EPS15L1: variants seen among roughly 807,000 people sequenced by gnomAD.
EPS15L1 encodes the protein epidermal growth factor receptor substrate 15-like 1.
A neutral mutation model predicts 117.1 loss-of-function variants in EPS15L1; 43 were observed. The ratio of observed to expected loss-of-function variants is 0.37; its 90% CI spans 0.29 to 0.47. The LOEUF is 0.47. EPS15L1 is among the 20% of genes least tolerant of loss of function. EPS15L1 has a pLI of 0.99. For synonymous variants in EPS15L1, 459 were observed against 470.5 expected, an observed-to-expected ratio of 0.98 and a Z score of 0.32; for missense variants, 981 against 1,164.0, an observed-to-expected ratio of 0.84 and a Z score of 2.29.
intron 13 of EPS15L1, among the ~76,000 whole-genome samples, chr19:16,411,915 T>C (rs988152290): frequency 3.9e-5 from 6 of 152,016 alleles, no homozygotes; most frequent in African/African-American, 1.5e-4. Flanking sequence ...CCCAGGCTGG[T>C]CTCAAACTCC....
In EPS15L1 at chr19:16,447,482, A is replaced by G. The variant is rs143838791; in HGVS notation, c.34-5263T>C. Among the ~76,000 whole-genome samples, 615 of 152,344 alleles carry G rather than the reference A, an allele frequency of 4.0e-3. 1 individual carries two copies. The highest frequency in any genetic ancestry group is 0.014 in the African/African-American group (574 of 41,586). On this transcript the variant is annotated intron_variant, in intron 1 of 23. Coordinates refer to ENST00000455140, the MANE Select transcript of EPS15L1 (RefSeq NM_001258374.3). ...CTAGTAATTTAAGTATTACAGGGCC[A>G]GGCACTCTGGCTCACACCTGTAATC...
At chr19:16,392,241 G>A (rs1412580732) in intron 19 of EPS15L1, 63 bp downstream of exon 19, 1 of 1,596,796 alleles carries the variant, frequency 6.3e-7, no homozygotes, top group East Asian at 2.2e-5. Flanking sequence ...CCTTCGGGAA[G>A]CGCCACCCTT....
At chr19:16,362,377 T>TAA (rs369551491) in intron 22 of EPS15L1, among the ~76,000 whole-genome samples, 4,146 of 137,210 alleles carry the variant, frequency 0.03, 202 homozygotes, top group African/African-American at 0.1. Flanking sequence ...CTTCTAACAG[T>TAA]AAAAAAAAAA....
intron 13 of EPS15L1, among the ~76,000 whole-genome samples, chr19:16,411,735 T>G (rs1485896075): frequency 6.6e-6 from 1 of 152,220 alleles, no homozygotes; most frequent in African/African-American, 2.4e-5. Flanking sequence ...GGTCTCACTC[T>G]GTTGCCCAGG....
chr19:16,377,863 T>C (rs576921836), intron 21 of EPS15L1, among the ~76,000 whole-genome samples: 17 of 152,250 alleles, frequency 1.1e-4, no homozygotes, highest in African/African-American at 4.1e-4. Flanking sequence ...CCACGCCACC[T>C]CCACTGGGCT....
At chr19:16,409,694 T>C (rs1385045191) in intron 13 of EPS15L1, among the ~76,000 whole-genome samples, 4 of 152,076 alleles carry the variant, frequency 2.6e-5, no homozygotes, top group African/African-American at 9.7e-5. Flanking sequence ...TCCCAGCACT[T>C]TGGGAGGCCA....
chr19:16,357,457 T>G (rs191566064), intron 23 of EPS15L1: 2 of 152,392 alleles, frequency 1.3e-5, no homozygotes, highest in African/African-American at 4.8e-5. Flanking sequence ...GATTTCCCCG[T>G]GGAGGCTCCT....
intron 8 of EPS15L1, 62 bp from the exon 9 acceptor site, chr19:16,425,378 A>G: frequency 8.3e-7 from 1 of 1,208,668 alleles, no homozygotes; most frequent in East Asian, 2.5e-5. Flanking sequence ...CATCAGGAGA[A>G]GGCAGAGGGC....
chr19:16,376,671 T>C lies in EPS15L1; in HGVS notation c.2380+451A>G, dbSNP rs146462390. Among the ~76,000 whole-genome samples the C allele has an allele frequency of 1.5e-3, 233 of 152,342 alleles. 5 individuals are homozygous for C. The East Asian group carries it at 0.041, about 27-fold the overall frequency. On this transcript the variant is annotated intron_variant, in intron 22 of 23. Coordinates refer to ENST00000455140, the MANE Select transcript of EPS15L1 (RefSeq NM_001258374.3). ...AGGGACTGGACCAAGCAGCGACTCC[T>C]GCCACCCTCACCCCCAACAGGCCCT...
chr19:16,356,948 A>G (rs875622), intron 23 of EPS15L1: 104,890 of 151,956 alleles, frequency 0.69, 37,262 homozygotes, highest in South Asian at 0.84. Flanking sequence ...TCTGCGATGC[A>G]CTGCCTCTGA....
At chr19:16,388,329 T>A (rs1394426099) in intron 19 of EPS15L1, among the ~76,000 whole-genome samples, 1 of 152,140 alleles carries the variant, frequency 6.6e-6, no homozygotes, top group Non-Finnish European at 1.5e-5. Flanking sequence ...AATGAGCCAC[T>A]GAACCGGCAA....
At position 16,402,278 on chromosome 19, in the gene EPS15L1, G is replaced by A. The variant is rs763762414; in HGVS notation, c.1791+43C>T. The A allele has an allele frequency of 3.0e-5, 47 of 1,546,132 alleles. No individual in the cohort carries two copies. In the Admixed American group the frequency reaches 8.7e-4, roughly 29 times the overall value. ...GTGGGATGTTCTGCTGTCACACCAG[G>A]GGACCAGAGCCCCATACTGTAATAC... On this transcript the variant is annotated intron_variant, in intron 16 of 23. Transcript: ENST00000455140.
At chr19:16,437,724 C>CAT in intron 5 of EPS15L1, 46 bp downstream of exon 5, 1 of 1,347,466 alleles carries the variant, frequency 7.4e-7, no homozygotes, top group South Asian at 1.2e-5. Context: ...CACACACACA[C>CAT]ATCTGGTATT....
chr19:16,379,925 A>AAAG (rs1361268419), intron 21 of EPS15L1, among the ~76,000 whole-genome samples: 8 of 151,720 alleles, frequency 5.3e-5, no homozygotes, highest in Non-Finnish European at 1.2e-4. Context: ...TCACACAGAC[A>AAAG]CGGCCATCTA....
chr19:16,385,138 C>A lies in EPS15L1; in HGVS notation c.2238G>T (p.Gln746His), dbSNP rs758224468. 6.2e-7 allele frequency: 1 copy of A among 1,614,090 alleles called. No individual in the cohort carries two copies. Among genetic ancestry groups the A allele is most frequent in the Admixed American group, 1.7e-5 (1 of 60,026 alleles). Residue 746 changes from glutamine (Q) to histidine (H), a missense_variant, in exon 21 of 24, where the codon CAG (glutamine) becomes CAT (histidine). Gln to His is a conservative substitution (Grantham distance 24, BLOSUM62 0). Around this residue, in one of 5 missense-constraint regions of EPS15L1, gnomAD observed 819 missense variants for 949.0 expected, o/e 0.86. Transcript: ENST00000455140. ...NSAEGFADFSQMSKPPPSGPF... is the reference protein window; with the variant it reads ...NSAEGFADFSHMSKPPPSGPF... ...CGTGGAGGGGCTTTACCTTGGACAT[C>A]TGGCTGAAGTCGGCAAAGCCTTCAG...
At chr19:16,467,090 T>G (rs781743683) in intron 1 of EPS15L1, among the ~76,000 whole-genome samples, 2 of 150,862 alleles carry the variant, frequency 1.3e-5, no homozygotes, top group African/African-American at 2.4e-5. Flanking sequence ...AACAAACATC[T>G]AAGGACCTAA....
At chr19:16,440,544 A>G (rs1022188547) in intron 4 of EPS15L1, 3 of 187,758 alleles carry the variant, frequency 1.6e-5, no homozygotes, top group Non-Finnish European at 2.2e-5. Context: ...GGAACCCTCC[A>G]AGCTATTTGT....
At chr19:16,363,620 C>G (rs1164700452) in intron 22 of EPS15L1, among the ~76,000 whole-genome samples, 1 of 152,230 alleles carries the variant, frequency 6.6e-6, no homozygotes, top group African/African-American at 2.4e-5. Flanking sequence ...GGGAAAGTGC[C>G]TCCTCCCAGC....
At position 16,377,122 on chromosome 19, in the gene EPS15L1, C is replaced by T. The variant is rs1351393455; in HGVS notation, c.2380G>A (p.Gly794Ser). Residue 794 changes from glycine to serine, a missense_variant and splice_region_variant, in exon 22 of 24, where the codon GGT (glycine) becomes AGT (serine). Around this residue, in one of 5 missense-constraint regions of EPS15L1, gnomAD observed 819 missense variants for 949.0 expected, o/e 0.86. Transcript: ENST00000455140. ...CTGCGAGAGAAGAAAGCTTACTGAC[C>T]GCTGGGCGGTTTAGGCCGTGGAGGA... Reference protein sequence around the residue: ...PAPPRPKPPSGKSTPVSQLGS... With the variant: ...PAPPRPKPPSSKSTPVSQLGS... 1.9e-6 allele frequency: 3 copies of T among 1,598,028 alleles called. No individual in the cohort carries two copies. Among genetic ancestry groups the T allele is most frequent in the Non-Finnish European group, 8.5e-7 (1 of 1,174,238 alleles).
Sources: allele counts gnomAD v4.1 joint callset (sites outside exome capture counted in the v4.1 genomes callset), GRCh38; gene constraint gnomAD v4.1.1; regional missense constraint gnomAD v4.1.1; transcripts MANE v1.5; gene names NCBI Gene and HGNC (gene_info 2026-07-23, HGNC 2026-07-21).